The following MOB3B variants were observed in gnomAD, a reference collection of about 807,000 sequenced individuals.
The protein encoded by MOB3B is MOB kinase activator 3B, also known as MOB kinase activator-like 2B.
Under a neutral mutation model 18.7 loss-of-function variants are expected in MOB3B, and 7 were observed. The observed-to-expected ratio is 0.37, with a 90% CI of 0.21 to 0.70. The LOEUF (loss-of-function observed/expected upper bound fraction) is 0.70, where lower values mean the gene tolerates loss of function less well. Ranked by LOEUF, MOB3B falls within the 30% of genes least tolerant of loss-of-function variation. The pLI, the probability that MOB3B is intolerant of heterozygous loss-of-function variation, is 0.52. For missense variants in MOB3B, 253 were observed against 281.3 expected, an observed-to-expected ratio of 0.90 and a Z score of 0.72; for synonymous variants, 111 against 99.9, an observed-to-expected ratio of 1.11 and a Z score of -0.66.
chr9:27,516,419 C>T (rs2131504041), intron 1 of MOB3B, among the ~76,000 whole-genome samples: 1 of 152,254 alleles, frequency 6.6e-6, no homozygotes, highest in East Asian at 1.9e-4. Flanking sequence ...ACTAAAATAG[C>T]CCAAAGAGTT....
At chr9:27,450,020 C>A (rs2131443912) in intron 2 of MOB3B, among the ~76,000 whole-genome samples, 1 of 150,712 alleles carries the variant, frequency 6.6e-6, no homozygotes, top group Admixed American at 6.6e-5. Flanking sequence ...ATGTAAAGGC[C>A]AATCATAAAC....
chr9:27,455,351 A>G lies in MOB3B; in HGVS notation c.200T>C (p.Phe67Ser). 6.2e-7 allele frequency: 1 copy of G among 1,614,104 alleles called. No individual in the cohort carries two copies. The highest frequency in any genetic ancestry group is 8.5e-7 in the Non-Finnish European group (1 of 1,180,026). The change falls in exon 2 of 4, where the codon TTC (phenylalanine) becomes TCC (serine). Residue 67 changes from phenylalanine to serine, a missense_variant. Physicochemically the swap from Phe to Ser is radical, Grantham distance 155. Coordinates refer to ENST00000262244, the MANE Select transcript of MOB3B (RefSeq NM_024761.5). ...ATAGATGAGGTTGATCCGATTGAAG[A>G]AGTCCACCACATGTACTGCCACCCA... ...NDWVAVHVVD[F>S]FNRINLIYGT...
At position 27,432,571 on chromosome 9, in the gene MOB3B, C is replaced by T. The variant is rs540180161; in HGVS notation, c.418+22562G>A. ...CTGCATCTCTGCCAGGTTTGCACAC[C>T]GCTGATCCTTATCTTCCCTCAGAAC... On this transcript the variant is annotated intron_variant, in intron 2 of 3. Transcript: ENST00000262244. Among the ~76,000 whole-genome samples, 4 of 152,246 alleles carry T rather than the reference C, an allele frequency of 2.6e-5. No individual in the cohort carries two copies. The East Asian group carries it at 5.8e-4, about 22-fold the overall frequency.
chr9:27,390,499 G>T (rs1051335602), intron 2 of MOB3B, among the ~76,000 whole-genome samples: 4 of 152,186 alleles, frequency 2.6e-5, no homozygotes, highest in Non-Finnish European at 5.9e-5. Flanking sequence ...ACCGTGCCCG[G>T]CCAAGTTGCT....
At chr9:27,497,693 G>A (rs1368833201) in intron 1 of MOB3B, among the ~76,000 whole-genome samples, 2 of 151,732 alleles carry the variant, frequency 1.3e-5, no homozygotes, top group East Asian at 1.9e-4. Flanking sequence ...CTTTCTCTTA[G>A]CAATGTGAAT....
chr9:27,420,905 T>C (rs1374298594), intron 2 of MOB3B, among the ~76,000 whole-genome samples: 1 of 106,322 alleles, frequency 9.4e-6, no homozygotes, highest in South Asian at 5.6e-4. Context: ...AACTTACTCA[T>C]GTAACCAAAT....
intron 3 of MOB3B, among the ~76,000 whole-genome samples, chr9:27,357,149 T>TG (rs1338116205): frequency 1.1e-3 from 50 of 44,350 alleles, no homozygotes; most frequent in Non-Finnish European, 1.6e-3. Context: ...TATATATGTG[T>TG]TTTTTTTTTT....
At chr9:27,522,314 C>T (rs1820349039) in intron 1 of MOB3B, among the ~76,000 whole-genome samples, 1 of 133,442 alleles carries the variant, frequency 7.5e-6, no homozygotes, top group Admixed American at 7.4e-5. Context: ...CCACAGAAAA[C>T]TTAAAAAATC....
At chr9:27,410,788 C>A (rs573843426) in intron 2 of MOB3B, among the ~76,000 whole-genome samples, 80 of 152,232 alleles carry the variant, frequency 5.3e-4, no homozygotes, top group African/African-American at 1.9e-3. Context: ...ATAATGCTCA[C>A]TGTAGAAAAT....
Position 27,327,092 on chromosome 9 carries a change from A to G in MOB3B, c.*3495T>C, listed in dbSNP as rs933162952. 1 of 152,344 alleles carries G rather than the reference A, an allele frequency of 6.6e-6. No homozygotes were observed. Among genetic ancestry groups the G allele is most frequent in the Non-Finnish European group, 1.5e-5 (1 of 68,120 alleles). 9.4% of individuals were successfully genotyped at this position (152,344 alleles called of 1,614,324 possible). A position where few individuals can be genotyped will look rare whatever the true frequency, so the allele number is the denominator to read the frequency against. ...CCATGCTCTCACGTATTGCCTGCAC[A>G]TGGAAACTTCCTTCTTCCCCTCCCT... On this transcript the variant is annotated 3_prime_UTR_variant, in exon 4 of 4. Coordinates refer to ENST00000262244, the MANE Select transcript of MOB3B (RefSeq NM_024761.5).
At chr9:27,428,504 A>G (rs1822369874) in intron 2 of MOB3B, among the ~76,000 whole-genome samples, 1 of 152,224 alleles carries the variant, frequency 6.6e-6, no homozygotes, top group South Asian at 2.1e-4. Flanking sequence ...CTAGAAAGAG[A>G]TGAGTTTGTT....
chr9:27,483,308 A>G (rs1587248138), intron 1 of MOB3B, among the ~76,000 whole-genome samples: 1 of 151,290 alleles, frequency 6.6e-6, no homozygotes, highest in African/African-American at 2.4e-5. Flanking sequence ...AATTTTTTGT[A>G]TTTTTAATAG....
chr9:27,380,816 T>A (rs1275758634), intron 2 of MOB3B, among the ~76,000 whole-genome samples: 1 of 151,556 alleles, frequency 6.6e-6, no homozygotes, highest in African/African-American at 2.4e-5. Flanking sequence ...AAGAGATTAG[T>A]TAAAACTTAT....
intron 1 of MOB3B, among the ~76,000 whole-genome samples, chr9:27,479,007 G>A: frequency 6.6e-6 from 1 of 152,140 alleles, no homozygotes; most frequent in East Asian, 1.9e-4. Context: ...GACATTCAAA[G>A]TGGTAATAAA....
At chr9:27,497,654 A>G (rs1819921432) in intron 1 of MOB3B, among the ~76,000 whole-genome samples, 1 of 152,076 alleles carries the variant, frequency 6.6e-6, no homozygotes, top group Admixed American at 6.5e-5. Flanking sequence ...ATTACTTTGT[A>G]ATTAAAATAT....
chr9:27,412,914 A>G (rs1451254141), intron 2 of MOB3B, among the ~76,000 whole-genome samples: 2 of 152,334 alleles, frequency 1.3e-5, no homozygotes, highest in Admixed American at 1.3e-4. Flanking sequence ...CACAGTTGAT[A>G]GGAACATGGA....
At chr9:27,352,242 G>A (rs1821116032) in intron 3 of MOB3B, among the ~76,000 whole-genome samples, 2 of 151,956 alleles carry the variant, frequency 1.3e-5, no homozygotes, top group Admixed American at 6.6e-5. Flanking sequence ...TTAGCCAGGT[G>A]TGGTGACATG....
At chr9:27,520,054 CT>C (rs1355300802) in intron 1 of MOB3B, among the ~76,000 whole-genome samples, 2 of 152,152 alleles carry the variant, frequency 1.3e-5, no homozygotes, top group Non-Finnish European at 2.9e-5. Flanking sequence ...GAACAATGTA[CT>C]TTCAAGAATT....
chr9:27,345,633 T>C (rs967110650), intron 3 of MOB3B, among the ~76,000 whole-genome samples: 2 of 152,200 alleles, frequency 1.3e-5, no homozygotes, highest in Non-Finnish European at 2.9e-5. Flanking sequence ...CTCTGTTGAC[T>C]TTGGCTTTGG....
Sources: allele counts gnomAD v4.1 joint callset (sites outside exome capture counted in the v4.1 genomes callset), GRCh38; gene constraint gnomAD v4.1.1; transcripts MANE v1.5; gene names NCBI Gene and HGNC (gene_info 2026-07-23, HGNC 2026-07-21).